The following WDR64 variants were observed in gnomAD, a reference collection of about 807,000 sequenced individuals.
WDR64 encodes the protein WD repeat-containing protein 64.
Under a neutral mutation model 139.3 loss-of-function variants are expected in WDR64, and 112 were observed. The observed-to-expected ratio is 0.80, with a 90% CI of 0.69 to 0.94. WDR64 has a LOEUF of 0.94. Among genes scored for constraint, WDR64 ranks in the 40% least tolerant of loss-of-function variants. The pLI, the probability that WDR64 is intolerant of heterozygous loss-of-function variation, is 0.00. For synonymous variants in WDR64, 444 were observed against 437.7 expected (o/e 1.01, Z -0.18); for missense variants, 1,206 against 1,293.1 (o/e 0.93, Z 1.03).
At chr1:241,792,198 T>C (rs1182241225) in intron 25 of WDR64, among the ~76,000 whole-genome samples, 1 of 152,184 alleles carries the variant, frequency 6.6e-6, no homozygotes, top group Non-Finnish European at 1.5e-5. Flanking sequence ...CTATAACCTC[T>C]TCCATCTGTC....
intron 9 of WDR64, among the ~76,000 whole-genome samples, chr1:241,712,369 T>G (rs1668207719): frequency 6.6e-6 from 1 of 152,032 alleles, no homozygotes; most frequent in Non-Finnish European, 1.5e-5. Context: ...AATACCAACA[T>G]TTAAGGGATA....
intron 21 of WDR64, among the ~76,000 whole-genome samples, chr1:241,778,311 CA>C (rs1658734195): frequency 6.6e-6 from 1 of 152,302 alleles, no homozygotes; most frequent in East Asian, 1.9e-4. Flanking sequence ...GAAATTAATA[CA>C]GCTACACTTG....
intron 23 of WDR64, 111 bp downstream of exon 23, chr1:241,783,492 TTAAA>T: frequency 1.3e-6 from 1 of 754,522 alleles, no homozygotes; most frequent in African/African-American, 1.8e-5. Context: ...GTAAACTGAT[TTAAA>T]TAAATAAGTA....
intron 2 of WDR64, among the ~76,000 whole-genome samples, chr1:241,669,376 A>G: frequency 6.6e-6 from 1 of 152,230 alleles, no homozygotes; most frequent in East Asian, 1.9e-4. Flanking sequence ...TAAATTAATG[A>G]TGACAAAGAT....
intron 16 of WDR64, 131 bp downstream of exon 16, chr1:241,766,482 C>A: frequency 2.0e-6 from 2 of 1,016,354 alleles, no homozygotes; most frequent in Non-Finnish European, 1.4e-6. Flanking sequence ...AGGAGGATCA[C>A]TTAAGGCCAG....
At chr1:241,759,728 A>G (rs921190243) in intron 15 of WDR64, among the ~76,000 whole-genome samples, 2 of 152,200 alleles carry the variant, frequency 1.3e-5, no homozygotes, top group African/African-American at 2.4e-5. Context: ...ACATACACGT[A>G]AAGTAATATT....
chr1:241,689,069 G>T (rs1290662034), intron 8 of WDR64, among the ~76,000 whole-genome samples: 1 of 152,128 alleles, frequency 6.6e-6, no homozygotes, highest in Admixed American at 6.6e-5. Flanking sequence ...ACCTCTGGTC[G>T]CACCTAAGAG....
At chr1:241,766,860 T>G (rs1382916048) in intron 16 of WDR64, among the ~76,000 whole-genome samples, 1 of 152,196 alleles carries the variant, frequency 6.6e-6, no homozygotes, top group African/African-American at 2.4e-5. Flanking sequence ...TGTAAGCATC[T>G]ATATTCCCAA....
intron 4 of WDR64, among the ~76,000 whole-genome samples, chr1:241,675,063 C>A (rs1666449980): frequency 9.9e-6 from 1 of 100,734 alleles, no homozygotes; most frequent in Non-Finnish European, 2.0e-5. Flanking sequence ...TTTCTCCCTT[C>A]CTCCTTCCTG....
At chr1:241,661,701 C>T (rs1396607502) in intron 2 of WDR64, among the ~76,000 whole-genome samples, 2 of 152,116 alleles carry the variant, frequency 1.3e-5, no homozygotes, top group East Asian at 3.9e-4. Context: ...GTACAATTTA[C>T]CCCAGCAAAG....
intron 4 of WDR64, among the ~76,000 whole-genome samples, chr1:241,676,593 G>C (rs1666563176): frequency 6.6e-6 from 1 of 152,074 alleles, no homozygotes; most frequent in African/African-American, 2.4e-5. Flanking sequence ...AAATAAGTCA[G>C]GCGGCATTAT....
intron 9 of WDR64, among the ~76,000 whole-genome samples, chr1:241,716,180 G>A (rs999470233): frequency 2.0e-5 from 3 of 151,644 alleles, no homozygotes; most frequent in Non-Finnish European, 2.9e-5. Context: ...GTATGTACCC[G>A]CTGACGACTC....
chr1:241,736,926 T>C (rs1669350548), intron 10 of WDR64, among the ~76,000 whole-genome samples: 1 of 152,156 alleles, frequency 6.6e-6, no homozygotes. Flanking sequence ...CAGTTACAAT[T>C]CAGAGTGTAT....
chr1:241,673,280 C>G (rs142128912), intron 3 of WDR64, among the ~76,000 whole-genome samples: 5 of 151,752 alleles, frequency 3.3e-5, no homozygotes, highest in East Asian at 1.9e-4. Flanking sequence ...TGTATACATA[C>G]GTAACAAACC....
chr1:241,723,523 GAAAT>G, intron 10 of WDR64, 87 bp downstream of exon 10: 1 of 1,387,496 alleles, frequency 7.2e-7, no homozygotes. Context: ...ATTTTTGACT[GAAAT>G]AAATGATAGT....
chr1:241,681,143 T>A (rs975785169), intron 6 of WDR64, among the ~76,000 whole-genome samples: 10 of 152,116 alleles, frequency 6.6e-5, no homozygotes, highest in Non-Finnish European at 1.5e-5. Context: ...TTCCATAGGT[T>A]TGGGGGGAAC....
At position 241,670,733 on chromosome 1, in the gene WDR64, G is replaced by A. The variant is rs181079428; in HGVS notation, c.277-341G>A. On this transcript the variant is annotated intron_variant, in intron 2 of 27. Transcript: ENST00000437684. ...AGTGGCACTAGATCCTCACAGAAGC[G>A]TCAGCCCTGTTGTGAACTGTGTATG... 1.1e-4 allele frequency among the ~76,000 whole-genome samples: 17 copies of A among 152,216 alleles called. No homozygotes were observed. The East Asian group carries it at 2.1e-3, about 19-fold the overall frequency.
In WDR64 at chr1:241,728,832, T is replaced by C. The variant is rs1668959628; in HGVS notation, c.1194+5396T>C. Among the ~76,000 whole-genome samples the C allele has an allele frequency of 3.3e-5, 5 of 152,074 alleles. No individual in the cohort carries two copies. In the South Asian group the frequency reaches 1.0e-3, roughly 31 times the overall value. ...GGCTGATTCTCTTCTTCTTTTTTTTTTTCTATGAAGGGGAGAAATTTACAT... is the reference window on the plus strand; with the variant it reads ...GGCTGATTCTCTTCTTCTTTTTTTTCTTCTATGAAGGGGAGAAATTTACAT... On this transcript the variant is annotated intron_variant, in intron 10 of 27. Transcript: ENST00000437684.
rs1481017275 is a variant in WDR64, at chr1:241,661,867, TG to T, written c.276+1209del. On this transcript the variant is annotated intron_variant, in intron 2 of 27. Transcript: ENST00000437684. ...CACCTTTGTTGTGAATAAAGTTTAC[TG>T]GAACACAGCAATGCTCACTCATTCA... 3.9e-5 allele frequency among the ~76,000 whole-genome samples: 6 copies of T among 152,358 alleles called. No individual in the cohort carries two copies. The East Asian group carries it at 1.2e-3, about 29-fold the overall frequency.
Sources: allele counts gnomAD v4.1 joint callset (sites outside exome capture counted in the v4.1 genomes callset), GRCh38; gene constraint gnomAD v4.1.1; transcripts MANE v1.5; gene names NCBI Gene and HGNC (gene_info 2026-07-23, HGNC 2026-07-21).